KATNIP: variants seen among roughly 807,000 people sequenced by gnomAD.
KATNIP encodes the protein katanin interacting protein.
A neutral mutation model predicts 174.0 loss-of-function variants in KATNIP; 126 were observed. That is an observed-to-expected ratio of 0.72 (90% CI 0.63 to 0.84). The LOEUF (loss-of-function observed/expected upper bound fraction) is 0.84, where lower values mean the gene tolerates loss of function less well. Among genes scored for constraint, KATNIP ranks in the 40% least tolerant of loss-of-function variants. The pLI is 0.00. For missense variants in KATNIP, 1,958 were observed against 2,109.7 expected, an observed-to-expected ratio of 0.93 and a Z score of 1.41; for synonymous variants, 810 against 835.7, an observed-to-expected ratio of 0.97 and a Z score of 0.53.
rs1476384641 is a variant in KATNIP, at chr16:27,701,504, T to C, written c.1180-85T>C. The C allele has an allele frequency of 4.0e-6, 4 of 989,420 alleles. No homozygotes were observed. The Admixed American group carries it at 8.6e-5, about 21-fold the overall frequency. 61.3% of individuals were successfully genotyped at this position (989,420 alleles called of 1,614,324 possible). ...TACAAAGGGACTGTCAGCCTGAGCATGCCTGCCCTTGACCGTGACCCTGCT... is the reference window on the plus strand; with the variant it reads ...TACAAAGGGACTGTCAGCCTGAGCACGCCTGCCCTTGACCGTGACCCTGCT... On this transcript the variant is annotated intron_variant, in intron 10 of 27. Transcript: ENST00000261588.
At chr16:27,737,982 G>C (rs1391904113) in intron 14 of KATNIP, among the ~76,000 whole-genome samples, 4 of 152,172 alleles carry the variant, frequency 2.6e-5, no homozygotes, top group Non-Finnish European at 4.4e-5. Context: ...ACGGGAGGAG[G>C]AACAAGGGGT....
At chr16:27,590,936 A>C (rs2075141551) in intron 2 of KATNIP, among the ~76,000 whole-genome samples, 1 of 152,208 alleles carries the variant, frequency 6.6e-6, no homozygotes, top group African/African-American at 2.4e-5. Flanking sequence ...CTGGGAAATA[A>C]GCATATGCTG....
At chr16:27,631,415 C>T (rs1041061096) in intron 5 of KATNIP, among the ~76,000 whole-genome samples, 1 of 152,032 alleles carries the variant, frequency 6.6e-6, no homozygotes, top group African/African-American at 2.4e-5. Flanking sequence ...TGTGGCAGCA[C>T]GTACCTCTAG....
intron 6 of KATNIP, 66 bp downstream of exon 6, chr16:27,648,801 C>T (rs1028453086): frequency 1.3e-6 from 2 of 1,541,136 alleles, no homozygotes; most frequent in African/African-American, 1.4e-5. Flanking sequence ...GCTGCAGTGG[C>T]CCCTCGGGGC....
intron 5 of KATNIP, among the ~76,000 whole-genome samples, chr16:27,644,899 G>C (rs910778113): frequency 5.9e-5 from 9 of 152,220 alleles, no homozygotes; most frequent in African/African-American, 1.9e-4. Context: ...AGGGCCAGGA[G>C]AGGGTGAGGT....
chr16:27,771,616 A>C lies in KATNIP; in HGVS notation c.4162A>C (p.Ser1388Arg), dbSNP rs1015149594. The C allele has an allele frequency of 1.2e-6, 2 of 1,613,424 alleles. No homozygotes were observed. Among genetic ancestry groups the C allele is most frequent in the African/African-American group, 2.7e-5 (2 of 74,874 alleles). ...GGACATGAGAAGCCTGGAGTGTGCA[A>C]GCATGGACTACGAGGCACCGCTGAT... ...RLDMRSLECASMDYEAPLMPC... is the reference protein window; with the variant it reads ...RLDMRSLECARMDYEAPLMPC... The change falls in exon 22 of 28, where the codon AGC becomes CGC. Residue 1388 changes from serine to arginine, a missense_variant. Physicochemically the swap from Ser to Arg is moderately radical, Grantham distance 110 (BLOSUM62 -1). Transcript: ENST00000261588.
chr16:27,774,440 C>G (rs1001792384), intron 23 of KATNIP, among the ~76,000 whole-genome samples: 1 of 152,136 alleles, frequency 6.6e-6, no homozygotes, highest in Admixed American at 6.5e-5. Flanking sequence ...CACGCCCTCA[C>G]AGGTCATAAT....
At chr16:27,663,603 C>T (rs2077593015) in intron 6 of KATNIP, among the ~76,000 whole-genome samples, 1 of 151,554 alleles carries the variant, frequency 6.6e-6, no homozygotes, top group African/African-American at 2.4e-5. Flanking sequence ...CATGTGTCAC[C>T]ACACCCGGCT....
At chr16:27,569,514 C>T (rs2090209751) in intron 1 of KATNIP, among the ~76,000 whole-genome samples, 1 of 152,180 alleles carries the variant, frequency 6.6e-6, no homozygotes, top group Admixed American at 6.5e-5. Context: ...AGAGGAACAC[C>T]CCCTTAATTT....
At chr16:27,583,394 C>T (rs2090769410) in intron 2 of KATNIP, among the ~76,000 whole-genome samples, 1 of 152,186 alleles carries the variant, frequency 6.6e-6, no homozygotes, top group Non-Finnish European at 1.5e-5. Context: ...CCTCCTCCCT[C>T]CACCCCCAGA....
intron 13 of KATNIP, chr16:27,718,554 C>T (rs1597281752): frequency 6.6e-6 from 1 of 152,300 alleles, no homozygotes; most frequent in Non-Finnish European, 1.5e-5. Flanking sequence ...ACAATTCCCG[C>T]TTAGCCCTCC....
Position 27,665,635 on chromosome 16 carries a change from CTT to C in KATNIP, c.541-12092_541-12091del, listed in dbSNP as rs572301718. On this transcript the variant is annotated intron_variant, in intron 6 of 27. Transcript: ENST00000261588. ...TTTTTTTTTTTTGAGACAGGACACT[CTT>C]TCCCCCAGGCTGGAGTGCACTGGTA... Among the ~76,000 whole-genome samples, 604 of 150,496 alleles carry C rather than the reference CTT, an allele frequency of 4.0e-3. 2 individuals are homozygous for C. The highest frequency in any genetic ancestry group is 0.014 in the African/African-American group (571 of 40,898).
At chr16:27,774,832 A>C in intron 23 of KATNIP, 113 bp from the exon 24 acceptor site, 1 of 1,275,330 alleles carries the variant, frequency 7.8e-7, no homozygotes. Context: ...GCGGCTGCCC[A>C]AAGCATCAGC....
rs2082597173 is a variant in KATNIP at position 27,778,768 on chromosome 16, G to A, written c.*139G>A. On this transcript the variant is annotated 3_prime_UTR_variant, in exon 28 of 28. Coordinates refer to ENST00000261588, the MANE Select transcript of KATNIP (RefSeq NM_015202.5). ...TGAGGGGAGCCCGCTGGGAAGAGGG[G>A]ACTCGGGAGGACAGCCCTGGATACT... 1.4e-6 allele frequency: 1 copy of A among 710,508 alleles called. No homozygotes were observed. Among genetic ancestry groups the A allele is most frequent in the Admixed American group, 2.7e-5 (1 of 36,580 alleles). The allele number at this position is 710,508 out of a possible 1,614,324, so 44.0% of individuals were successfully genotyped here.
intron 8 of KATNIP, among the ~76,000 whole-genome samples, chr16:27,695,909 G>T (rs943447970): frequency 6.6e-6 from 1 of 152,114 alleles, no homozygotes; most frequent in Admixed American, 6.5e-5. Context: ...ATTTCATCTC[G>T]TCATCACCCC....
chr16:27,728,571 C>A (rs2080539864), intron 14 of KATNIP, among the ~76,000 whole-genome samples: 1 of 152,210 alleles, frequency 6.6e-6, no homozygotes, highest in Non-Finnish European at 1.5e-5. Flanking sequence ...GCTGGGACTA[C>A]AGGCACGCAC....
In KATNIP at chr16:27,618,727, G is replaced by A. The variant is rs1488591747; in HGVS notation, c.140+226G>A. On this transcript the variant is annotated intron_variant, in intron 3 of 27. Transcript: ENST00000261588. ...GCAAACTGCTCGATGTGTAAGTACC[G>A]CCTCTTCCCTCCCTGCTCCTATTCT... 7.2e-5 allele frequency among the ~76,000 whole-genome samples: 11 copies of A among 152,038 alleles called. No homozygotes were observed. In the East Asian group the frequency reaches 1.9e-3, roughly 27 times the overall value.
Position 27,776,930 on chromosome 16 carries a change from GA to G in KATNIP, c.4454del (p.Asn1485ThrfsTer5). The G allele has an allele frequency of 6.2e-7, 1 of 1,609,348 alleles. No individual in the cohort carries two copies. Among genetic ancestry groups the G allele is most frequent in the Non-Finnish European group, 8.5e-7 (1 of 1,175,790 alleles). On this transcript the variant is annotated frameshift_variant, in exon 25 of 28. Coordinates refer to ENST00000261588, the MANE Select transcript of KATNIP (RefSeq NM_015202.5). LOFTEE classifies it high-confidence loss of function. This position sits in a 1 kb window ranked among gnomAD's most constrained non-coding sequence, Gnocchi z 4.7. Reference sequence around the variant, plus strand: ...TAATTAGTGCCGCTCTCTGACAGGTGAACCGGGTTTATGTGATTTTCGATCT... The same window carrying G: ...TAATTAGTGCCGCTCTCTGACAGGTGACCGGGTTTATGTGATTTTCGATCT... ...WLAPILPGLVNRVYVIFDLPT... is the reference protein window; with the variant it reads ...WLAPILPGLVXRVYVIFDLPT...
At chr16:27,653,935 T>C (rs1463872304) in intron 6 of KATNIP, among the ~76,000 whole-genome samples, 3 of 150,984 alleles carry the variant, frequency 2.0e-5, no homozygotes, top group African/African-American at 7.3e-5. Flanking sequence ...CTCCCAAATT[T>C]CCAGATATTA....
Sources: allele counts gnomAD v4.1 joint callset (sites outside exome capture counted in the v4.1 genomes callset), GRCh38; gene constraint gnomAD v4.1.1; non-coding constraint Gnocchi (gnomAD v3.1); transcripts MANE v1.5; gene names NCBI Gene and HGNC (gene_info 2026-07-23, HGNC 2026-07-21).